The following GRIP1 variants were observed in gnomAD, a reference collection of about 807,000 sequenced individuals.
GRIP1 encodes glutamate receptor interacting protein 1, also known as glutamate receptor-interacting protein 1.
Under a neutral mutation model 129.9 loss-of-function variants are expected in GRIP1, and 45 were observed. The observed-to-expected ratio is 0.35, with a 90% CI of 0.27 to 0.44. The LOEUF is 0.44. GRIP1 is among the 20% of genes least tolerant of loss of function. The pLI, the probability that GRIP1 is intolerant of heterozygous loss-of-function variation, is 1.00. For missense variants in GRIP1, 1,196 were observed against 1,396.8 expected, an observed-to-expected ratio of 0.86 and a Z score of 2.29; for synonymous variants, 530 against 520.8, an observed-to-expected ratio of 1.02 and a Z score of -0.24.
chr12:66,733,266 T>C (rs896816430), intron 1 of GRIP1, among the ~76,000 whole-genome samples: 9 of 152,210 alleles, frequency 5.9e-5, no homozygotes, highest in African/African-American at 1.4e-4. Flanking sequence ...AGACTGCTAA[T>C]TGGTGAACTA....
chr12:66,554,857 G>A (rs967325036), intron 2 of GRIP1, among the ~76,000 whole-genome samples: 6 of 152,122 alleles, frequency 3.9e-5, no homozygotes, highest in African/African-American at 7.2e-5. Flanking sequence ...TGTGCTTTGG[G>A]TACCAGTTCA....
intron 16 of GRIP1, among the ~76,000 whole-genome samples, chr12:66,401,609 T>TATATATACACACACAC (rs1169241331): frequency 3.5e-4 from 39 of 110,184 alleles, no homozygotes; most frequent in African/African-American, 1.3e-3. Context: ...TATATATATA[T>TATATATACACACACAC]ACACACACAC....
intron 1 of GRIP1, among the ~76,000 whole-genome samples, chr12:66,903,114 T>C (rs2040869583): frequency 7.2e-6 from 1 of 139,550 alleles, no homozygotes; most frequent in Non-Finnish European, 1.6e-5. Context: ...ACTTTCTTGT[T>C]AATTCACTTT....
chr12:66,886,036 G>A (rs2137211565), intron 1 of GRIP1, among the ~76,000 whole-genome samples: 1 of 152,296 alleles, frequency 6.6e-6, no homozygotes. Flanking sequence ...ACCAAGTTGG[G>A]TGGATCACTT....
At chr12:66,949,904 G>A (rs1297849506) in intron 1 of GRIP1, among the ~76,000 whole-genome samples, 25 of 151,774 alleles carry the variant, frequency 1.6e-4, no homozygotes, top group Admixed American at 1.6e-3. Context: ...GAGTAGCTGG[G>A]ACTACAGGTG....
At chr12:66,638,344 C>A in intron 1 of GRIP1, among the ~76,000 whole-genome samples, 1 of 152,078 alleles carries the variant, frequency 6.6e-6, no homozygotes, top group East Asian at 1.9e-4. Context: ...GCAATATATA[C>A]CCTTGATAGG....
At chr12:66,444,012 A>C (rs1401673544) in intron 13 of GRIP1, among the ~76,000 whole-genome samples, 1 of 152,194 alleles carries the variant, frequency 6.6e-6, no homozygotes, top group Non-Finnish European at 1.5e-5. Flanking sequence ...ATACAGAAGA[A>C]AGAAAGAATG....
chr12:66,726,860 T>C (rs1565990348), intron 1 of GRIP1, among the ~76,000 whole-genome samples: 1 of 152,200 alleles, frequency 6.6e-6, no homozygotes, highest in Non-Finnish European at 1.5e-5. Context: ...ACACCCATTA[T>C]CAGAGGCAAA....
At chr12:66,362,367 G>A (rs191205173) in intron 23 of GRIP1, among the ~76,000 whole-genome samples, 1 of 151,662 alleles carries the variant, frequency 6.6e-6, no homozygotes, top group East Asian at 1.9e-4. Context: ...TGGTCAGGCT[G>A]GTCTCCAACT....
At chr12:66,922,989 C>T (rs527704435) in intron 1 of GRIP1, among the ~76,000 whole-genome samples, 13 of 152,270 alleles carry the variant, frequency 8.5e-5, no homozygotes, top group Non-Finnish European at 8.8e-5. Context: ...TATGATTGAG[C>T]CCATGCTGCA....
intron 1 of GRIP1, among the ~76,000 whole-genome samples, chr12:66,855,460 G>C (rs548653911): frequency 6.6e-6 from 1 of 152,084 alleles, no homozygotes; most frequent in African/African-American, 2.4e-5. Context: ...CGGAGTGTGT[G>C]AATCTCAGAC....
chr12:66,875,495 A>G (rs544453122), intron 1 of GRIP1, among the ~76,000 whole-genome samples: 3 of 152,236 alleles, frequency 2.0e-5, no homozygotes, highest in Admixed American at 1.3e-4. Flanking sequence ...ATCATTCCAC[A>G]GGCTGCTTCA....
At chr12:66,554,499 C>A (rs2062251894) in intron 2 of GRIP1, among the ~76,000 whole-genome samples, 1 of 152,068 alleles carries the variant, frequency 6.6e-6, no homozygotes, top group African/African-American at 2.4e-5. Context: ...AAAGACTCTG[C>A]TTGAGAAAAA....
At chr12:66,876,458 A>G (rs183507082) in intron 1 of GRIP1, among the ~76,000 whole-genome samples, 1 of 152,070 alleles carries the variant, frequency 6.6e-6, no homozygotes, top group African/African-American at 2.4e-5. Flanking sequence ...GCCTAAACCT[A>G]GTAAATGACA....
intron 1 of GRIP1, among the ~76,000 whole-genome samples, chr12:66,851,615 G>A (rs2039913967): frequency 6.6e-6 from 1 of 152,028 alleles, no homozygotes; most frequent in South Asian, 2.1e-4. Flanking sequence ...ACCTGGGCAT[G>A]CCAACTTTAC....
At chr12:66,577,580 T>C (rs2063185261) in intron 2 of GRIP1, among the ~76,000 whole-genome samples, 1 of 152,018 alleles carries the variant, frequency 6.6e-6, no homozygotes, top group South Asian at 2.1e-4. Flanking sequence ...AAGGAGACTC[T>C]TTGATTTGAC....
chr12:66,661,782 T>C (rs2033525566), intron 1 of GRIP1, among the ~76,000 whole-genome samples: 1 of 152,170 alleles, frequency 6.6e-6, no homozygotes, highest in Non-Finnish European at 1.5e-5. Flanking sequence ...TGGCCAGTAT[T>C]CTATTTCTAT....
intron 15 of GRIP1, among the ~76,000 whole-genome samples, chr12:66,414,723 G>A (rs2057524253): frequency 6.6e-6 from 1 of 151,804 alleles, no homozygotes. Context: ...AACCAAAACA[G>A]CACGGTACTG....
At chr12:66,929,984 G>T (rs1374324746) in intron 1 of GRIP1, among the ~76,000 whole-genome samples, 2 of 149,276 alleles carry the variant, frequency 1.3e-5, no homozygotes, top group Admixed American at 6.7e-5. Context: ...CATTTCATTT[G>T]CTTGGCTTAT....
Sources: allele counts gnomAD v4.1 joint callset (sites outside exome capture counted in the v4.1 genomes callset), GRCh38; gene constraint gnomAD v4.1.1; transcripts MANE v1.5; gene names NCBI Gene and HGNC (gene_info 2026-07-23, HGNC 2026-07-21).